The following SDC3 variants were observed in gnomAD, a reference collection of about 807,000 sequenced individuals.
SDC3 encodes the protein syndecan-3.
A neutral mutation model predicts 24.4 loss-of-function variants in SDC3; 13 were observed. The observed-to-expected ratio is 0.53, with a 90% CI of 0.35 to 0.85. The LOEUF is 0.85. Ranked by LOEUF, SDC3 falls within the 40% of genes least tolerant of loss-of-function variation. SDC3 has a pLI of 0.01. For missense variants in SDC3, 571 were observed against 584.5 expected, an observed-to-expected ratio of 0.98 and a Z score of 0.24; for synonymous variants, 295 against 260.9, an observed-to-expected ratio of 1.13 and a Z score of -1.26.
chr1:30,894,875 G>C (rs1341950911), intron 1 of SDC3, among the ~76,000 whole-genome samples: 1 of 151,964 alleles, frequency 6.6e-6, no homozygotes, highest in African/African-American at 2.4e-5. Flanking sequence ...GCCTGTGTGG[G>C]TCTGAGTGTG....
chr1:30,873,651 A>G (rs1639581258), intron 4 of SDC3, among the ~76,000 whole-genome samples: 1 of 152,140 alleles, frequency 6.6e-6, no homozygotes, highest in Non-Finnish European at 1.5e-5. Flanking sequence ...TTAAAATGCC[A>G]CCACTCATAA....
At chr1:30,893,463 C>T (rs1360232056) in intron 1 of SDC3, among the ~76,000 whole-genome samples, 1 of 152,108 alleles carries the variant, frequency 6.6e-6, no homozygotes, top group African/African-American at 2.4e-5. Flanking sequence ...ACTTCCACTA[C>T]TATGACAACC....
chr1:30,881,518 AGCGAGCGT>A, intron 1 of SDC3: 1 of 152,434 alleles, frequency 6.6e-6, no homozygotes, highest in East Asian at 1.9e-4. Context: ...CCCCACACAC[AGCGAGCGT>A]GCCCGGTGGA....
intron 3 of SDC3, 125 bp from the exon 4 acceptor site, chr1:30,874,713 T>C: frequency 1.2e-6 from 1 of 862,592 alleles, no homozygotes; most frequent in South Asian, 1.7e-5. Flanking sequence ...TGCTACACAC[T>C]ATCCCCATGA....
rs1639646779 is a variant in SDC3, at chr1:30,876,766, A to T, written c.656T>A (p.Val219Glu). Residue 219 changes from valine to glutamate, a missense_variant, in exon 3 of 5, where the codon GTG becomes GAG. Val to Glu is a moderately radical substitution (Grantham distance 121, BLOSUM62 -2). Transcript: ENST00000339394. Reference protein sequence around the residue: ...RRLLPLPLTTVATARATTPEA... With the variant: ...RRLLPLPLTTEATARATTPEA... ...GGGGGTAGTGGCCCGTGCCGTAGCC[A>T]CTGTGGTCAGTGGGAGAGGCAGAAG... The T allele has an allele frequency of 6.3e-7, 1 of 1,589,718 alleles. No individual in the cohort carries two copies. Among genetic ancestry groups the T allele is most frequent in the Non-Finnish European group, 8.6e-7 (1 of 1,166,740 alleles).
intron 1 of SDC3, among the ~76,000 whole-genome samples, chr1:30,906,557 A>G (rs931973981): frequency 5.9e-5 from 9 of 152,152 alleles, no homozygotes; most frequent in Non-Finnish European, 7.4e-5. Context: ...CCTGGCCTCC[A>G]AGTCTAAAGC....
chr1:30,871,758 A>C lies in SDC3; in HGVS notation c.*1453T>G, dbSNP rs1639542285. ...GGAAGGGGACACAGGGAGATAAAGGAGCCCAACCACATGCCCCCTCCCTGC... is the reference window on the plus strand; with the variant it reads ...GGAAGGGGACACAGGGAGATAAAGGCGCCCAACCACATGCCCCCTCCCTGC... On this transcript the variant is annotated 3_prime_UTR_variant, in exon 5 of 5. Transcript: ENST00000339394. The C allele has an allele frequency of 1.3e-5, 2 of 152,444 alleles. No homozygotes were observed. Among genetic ancestry groups the C allele is most frequent in the East Asian group, 1.9e-4 (1 of 5,176 alleles). 9.4% of individuals were successfully genotyped at this position (152,444 alleles called of 1,614,324 possible).
chr1:30,881,995 C>T (rs1557517683), intron 1 of SDC3, among the ~76,000 whole-genome samples: 1 of 152,174 alleles, frequency 6.6e-6, no homozygotes, highest in South Asian at 2.1e-4. Context: ...TCCACACCCA[C>T]GCGCCAGCAC....
intron 1 of SDC3, among the ~76,000 whole-genome samples, chr1:30,901,656 C>T (rs970826383): frequency 6.6e-6 from 1 of 152,030 alleles, no homozygotes; most frequent in Non-Finnish European, 1.5e-5. Flanking sequence ...TAAGGGTACC[C>T]CCACCCCCAG....
At chr1:30,876,512 C>A in intron 3 of SDC3, 40 bp downstream of exon 3, 1 of 1,478,190 alleles carries the variant, frequency 6.8e-7, no homozygotes, top group South Asian at 1.5e-5. Context: ...CTGACCCACC[C>A]TCCTCCGCCC....
chr1:30,876,856 C>T lies in SDC3; in HGVS notation c.566G>A (p.Ser189Asn), dbSNP rs926631594. 5 of 1,613,340 alleles carry T rather than the reference C, an allele frequency of 3.1e-6. No homozygotes were observed. In the African/African-American group the frequency reaches 5.3e-5, roughly 17 times the overall value. Residue 189 changes from serine to asparagine, a missense_variant, in exon 3 of 5, where the codon AGC (serine) becomes AAC (asparagine). Transcript: ENST00000339394. ...CGTAAAAGGGGGTGCTGCAGGGGTG[C>T]TGGGGGTGGCGGTGGCCACTGTGGC... ...VPATVATATP[S>N]TPAAPPFTAT...
At chr1:30,882,660 C>T (rs1305705514) in intron 1 of SDC3, among the ~76,000 whole-genome samples, 1 of 152,304 alleles carries the variant, frequency 6.6e-6, no homozygotes, top group East Asian at 1.9e-4. Context: ...CCACTCATCA[C>T]TCACTCTGAG....
At chr1:30,890,965 G>A (rs939981414) in intron 1 of SDC3, among the ~76,000 whole-genome samples, 2 of 152,152 alleles carry the variant, frequency 1.3e-5, no homozygotes, top group Non-Finnish European at 2.9e-5. Flanking sequence ...TGTCAGGTGG[G>A]GCCAGTGGAG....
chr1:30,902,347 G>T (rs1037296007), intron 1 of SDC3, among the ~76,000 whole-genome samples: 4 of 152,220 alleles, frequency 2.6e-5, no homozygotes, highest in African/African-American at 9.6e-5. Context: ...CTTGGCCAGT[G>T]GGGGAGGGGA....
chr1:30,895,272 A>T (rs1639984842), intron 1 of SDC3, among the ~76,000 whole-genome samples: 1 of 152,156 alleles, frequency 6.6e-6, no homozygotes, highest in South Asian at 2.1e-4. Flanking sequence ...TAACGTCCTA[A>T]ACAGAAACAT....
chr1:30,880,194 C>T (rs1025250546), intron 1 of SDC3, among the ~76,000 whole-genome samples: 9 of 152,052 alleles, frequency 5.9e-5, no homozygotes, highest in African/African-American at 1.9e-4. Flanking sequence ...GTTACCATGA[C>T]GACCATCTTC....
In SDC3 at chr1:30,869,780, G is replaced by A; in HGVS notation, c.*3431C>T. The A allele has an allele frequency of 2.5e-6, 1 of 398,772 alleles. No homozygotes were observed. Among genetic ancestry groups the A allele is most frequent in the Non-Finnish European group, 4.4e-6 (1 of 226,254 alleles). 24.7% of individuals were successfully genotyped at this position (398,772 alleles called of 1,614,324 possible). On this transcript the variant is annotated 3_prime_UTR_variant, in exon 5 of 5. Transcript: ENST00000339394. ...GAATGGCAGACCCCCACCCACCCCA[G>A]GCAGGTTCTGTACAGGAGAAAGGAC...
At chr1:30,886,828 A>C (rs1639836031) in intron 1 of SDC3, among the ~76,000 whole-genome samples, 1 of 152,112 alleles carries the variant, frequency 6.6e-6, no homozygotes. Flanking sequence ...ACATTGCCTC[A>C]TTTCTCTTCT....
intron 1 of SDC3, among the ~76,000 whole-genome samples, chr1:30,907,774 G>T (rs945304271): frequency 6.6e-6 from 1 of 152,002 alleles, no homozygotes; most frequent in Non-Finnish European, 1.5e-5. Context: ...CACACACAGG[G>T]TTACCCTCAC....
Sources: allele counts gnomAD v4.1 joint callset (sites outside exome capture counted in the v4.1 genomes callset), GRCh38; gene constraint gnomAD v4.1.1; transcripts MANE v1.5; gene names NCBI Gene and HGNC (gene_info 2026-07-23, HGNC 2026-07-21).